Variants in EBF3 observed in about 807,000 individuals in gnomAD.
EBF3 encodes transcription factor COE3.
EBF3 carries 18 observed loss-of-function variants against 77.1 expected under a neutral mutation model. The ratio of observed to expected loss-of-function variants is 0.23; its 90% confidence interval spans 0.16 to 0.35. The LOEUF is 0.35. EBF3 is among the 10% of genes least tolerant of loss of function. The pLI, the probability that EBF3 is intolerant of heterozygous loss-of-function variation, is 1.00. For missense variants in EBF3, 558 were observed against 860.0 expected, an observed-to-expected ratio of 0.65 and a Z score of 4.39; for synonymous variants, 350 against 343.5, an observed-to-expected ratio of 1.02 and a Z score of -0.21.
chr10:129,933,989 C>CT (rs1365392213), intron 6 of EBF3, among the ~76,000 whole-genome samples: 3 of 152,230 alleles, frequency 2.0e-5, no homozygotes. Flanking sequence ...CTCCTGCGCC[C>CT]TGTCCAGGCT....
At chr10:129,888,274 G>C (rs548308277) in intron 6 of EBF3, among the ~76,000 whole-genome samples, 1 of 152,348 alleles carries the variant, frequency 6.6e-6, no homozygotes, top group South Asian at 2.1e-4. Context: ...TGAAGGGCCC[G>C]AGGCGGTGGC....
Position 129,943,865 on chromosome 10 carries a change from T to C in EBF3, c.554+13393A>G, listed in dbSNP as rs557930671. 2.0e-5 allele frequency among the ~76,000 whole-genome samples: 3 copies of C among 152,350 alleles called. No homozygotes were observed. Among genetic ancestry groups the C allele is most frequent in the African/African-American group, 4.8e-5 (2 of 41,572 alleles). The stretch of plus-strand genomic sequence containing the variant: ...TGGAACCATATGTTCAGCAACGTTA[T>C]GGAGGGCGCTGGCCTTCGGCGCAGA... On this transcript the variant is annotated intron_variant, in intron 6 of 16. Coordinates refer to ENST00000440978, the MANE Select transcript of EBF3 (RefSeq NM_001375380.1). This position sits in a 1 kb window ranked among gnomAD's most constrained non-coding sequence, Gnocchi z 8.8.
intron 6 of EBF3, among the ~76,000 whole-genome samples, chr10:129,937,567 G>T (rs1247679648): frequency 6.6e-6 from 1 of 152,206 alleles, no homozygotes; most frequent in Non-Finnish European, 1.5e-5. Flanking sequence ...AGCTACGCCT[G>T]ATCACAAGGG....
chr10:129,929,996 G>A (rs763676488), intron 6 of EBF3, among the ~76,000 whole-genome samples: 3 of 152,100 alleles, frequency 2.0e-5, no homozygotes, highest in Non-Finnish European at 2.9e-5. Context: ...ATTGGTTAGG[G>A]GCCCGGAGAG....
At chr10:129,867,752 G>A in intron 9 of EBF3, 30 bp downstream of exon 9, 1 of 1,612,454 alleles carries the variant, frequency 6.2e-7, no homozygotes, top group Non-Finnish European at 8.5e-7. Context: ...GACAGCAACA[G>A]CGCGAAGCTG....
chr10:129,866,055 T>G (rs1482056983), intron 10 of EBF3, among the ~76,000 whole-genome samples: 1 of 152,204 alleles, frequency 6.6e-6, no homozygotes, highest in Non-Finnish European at 1.5e-5. Flanking sequence ...TAAAAACATC[T>G]CTCAAATGTC....
chr10:129,959,834 C>T (rs1308550000), intron 4 of EBF3, among the ~76,000 whole-genome samples: 2 of 152,038 alleles, frequency 1.3e-5, no homozygotes, highest in Non-Finnish European at 2.9e-5. Flanking sequence ...CCCGCGCGGC[C>T]ACGTGCTCCT....
In EBF3 at chr10:129,940,402, G is replaced by T. The variant is rs140539812; in HGVS notation, c.554+16856C>A. On this transcript the variant is annotated intron_variant, in intron 6 of 16. Coordinates refer to ENST00000440978, the MANE Select transcript of EBF3 (RefSeq NM_001375380.1). ...GCCTCCTGGGCTAGTCCAGGATGGG[G>T]TCTTCACCACCTGCCCAGCCCCAGG... Among the ~76,000 whole-genome samples, 201 of 152,278 alleles carry T rather than the reference G, an allele frequency of 1.3e-3. 3 individuals carry two copies. In the East Asian group the frequency reaches 0.034, roughly 26 times the overall value.
In EBF3 at chr10:129,837,703, G is replaced by A. The variant is rs1379918710; in HGVS notation, c.*240C>T. 1 of 554,418 alleles carries A rather than the reference G, an allele frequency of 1.8e-6. No homozygotes were observed. The highest frequency in any genetic ancestry group is 3.2e-6 in the Non-Finnish European group (1 of 315,440). The allele number at this position is 554,418 out of a possible 1,614,324, so 34.3% of individuals were successfully genotyped here. ...AGGACTGAGAAATGTGAAAATATGA[G>A]AAAAGTTCAGTCAATAAAATGGAAT... is the stretch of plus-strand genomic sequence containing the variant. On this transcript the variant is annotated 3_prime_UTR_variant, in exon 17 of 17. Transcript: ENST00000440978.
At chr10:129,942,909 G>A (rs1857879167) in intron 6 of EBF3, among the ~76,000 whole-genome samples, 2 of 152,198 alleles carry the variant, frequency 1.3e-5, no homozygotes, top group African/African-American at 2.4e-5. Context: ...TTGTTTTGAA[G>A]CCAGTTGCCA....
intron 6 of EBF3, among the ~76,000 whole-genome samples, chr10:129,906,165 G>T (rs548793426): frequency 6.6e-6 from 1 of 152,316 alleles, no homozygotes; most frequent in East Asian, 1.9e-4. Flanking sequence ...AGTGACAGTT[G>T]ATTTCAAAGC....
intron 6 of EBF3, among the ~76,000 whole-genome samples, chr10:129,936,849 A>T (rs998524336): frequency 1.3e-5 from 2 of 152,262 alleles, no homozygotes; most frequent in African/African-American, 4.8e-5. Context: ...GCTACAACCA[A>T]GTCCCCCACA....
At chr10:129,899,464 C>G (rs1350111931) in intron 6 of EBF3, among the ~76,000 whole-genome samples, 14 of 152,238 alleles carry the variant, frequency 9.2e-5, no homozygotes, top group Admixed American at 9.2e-4. Flanking sequence ...CTGGACCAGC[C>G]TGGGTCATTT....
intron 6 of EBF3, among the ~76,000 whole-genome samples, chr10:129,955,424 G>A (rs572291798): frequency 2.8e-4 from 42 of 152,140 alleles, no homozygotes; most frequent in African/African-American, 8.4e-4. Context: ...ATGTTTTTAC[G>A]TTTTTCCCCT....
intron 6 of EBF3, among the ~76,000 whole-genome samples, chr10:129,941,597 G>A (rs1183561917): frequency 6.6e-6 from 1 of 152,180 alleles, no homozygotes; most frequent in Non-Finnish European, 1.5e-5. Flanking sequence ...CAGGCCCAAA[G>A]CGCTGGGCAC....
chr10:129,851,537 C>A (rs1249165473), intron 10 of EBF3, among the ~76,000 whole-genome samples: 1 of 152,122 alleles, frequency 6.6e-6, no homozygotes, highest in African/African-American at 2.4e-5. Context: ...GGGAAAAAAA[C>A]AATACGTTTC....
chr10:129,869,236 A>G (rs1242063381), intron 8 of EBF3, among the ~76,000 whole-genome samples: 2 of 152,184 alleles, frequency 1.3e-5, no homozygotes, highest in Non-Finnish European at 2.9e-5. Context: ...GGGGTTAAAG[A>G]TGAACCCTAG....
intron 6 of EBF3, among the ~76,000 whole-genome samples, chr10:129,880,651 G>A (rs1208371697): frequency 6.6e-6 from 1 of 152,186 alleles, no homozygotes; most frequent in Non-Finnish European, 1.5e-5. Flanking sequence ...TAGAGACCAG[G>A]ATCCTTTCTG....
intron 6 of EBF3, among the ~76,000 whole-genome samples, chr10:129,906,276 G>T (rs1469949717): frequency 6.6e-6 from 1 of 152,194 alleles, no homozygotes; most frequent in Non-Finnish European, 1.5e-5. Context: ...GCCAAGAAGA[G>T]CTCTCTTTCA....
Sources: allele counts gnomAD v4.1 joint callset (sites outside exome capture counted in the v4.1 genomes callset), GRCh38; gene constraint gnomAD v4.1.1; non-coding constraint Gnocchi (gnomAD v3.1); transcripts MANE v1.5; gene names NCBI Gene and HGNC (gene_info 2026-07-23, HGNC 2026-07-21).